Variants in CREB3L2 observed in about 807,000 individuals in gnomAD.
The protein encoded by CREB3L2 is cyclic AMP-responsive element-binding protein 3-like protein 2.
A neutral mutation model predicts 57.2 loss-of-function variants in CREB3L2; 23 were observed. The observed-to-expected ratio is 0.40, with a 90% CI of 0.29 to 0.57. The LOEUF (loss-of-function observed/expected upper bound fraction) is 0.57, where lower values mean the gene tolerates loss of function less well. CREB3L2 is among the 20% of genes least tolerant of loss of function. CREB3L2 has a pLI of 0.42. For missense variants in CREB3L2, 628 were observed against 634.7 expected (o/e 0.99, Z 0.11); for synonymous variants, 268 against 265.1 (o/e 1.01, Z -0.11).
chr7:137,896,376 A>G (rs1016296237), intron 8 of CREB3L2, among the ~76,000 whole-genome samples: 11 of 152,080 alleles, frequency 7.2e-5, no homozygotes, highest in African/African-American at 2.7e-4. Flanking sequence ...ATCTCGGCTC[A>G]CCGTAACCTC....
intron 1 of CREB3L2, among the ~76,000 whole-genome samples, chr7:137,985,403 G>A (rs1297268825): frequency 6.6e-6 from 1 of 152,196 alleles, no homozygotes; most frequent in Non-Finnish European, 1.5e-5. Context: ...TTGCTGCAGT[G>A]TATGGACAGC....
At chr7:137,999,567 ATTC>A (rs1457522236) in intron 1 of CREB3L2, 2 of 152,228 alleles carry the variant, frequency 1.3e-5, no homozygotes, top group Non-Finnish European at 2.9e-5. Flanking sequence ...CTACATAAAG[ATTC>A]AGCTAGAGTA....
intron 1 of CREB3L2, among the ~76,000 whole-genome samples, chr7:137,951,904 C>T (rs1012560267): frequency 8.5e-5 from 13 of 152,176 alleles, no homozygotes; most frequent in South Asian, 2.1e-4. Flanking sequence ...GTGGGAGGAT[C>T]GCTTAAGCCC....
intron 1 of CREB3L2, among the ~76,000 whole-genome samples, chr7:137,985,465 T>C (rs1263272393): frequency 6.6e-6 from 1 of 152,140 alleles, no homozygotes; most frequent in Non-Finnish European, 1.5e-5. Context: ...TGGAGAGCGC[T>C]TCAGCTTGTC....
intron 9 of CREB3L2, 110 bp downstream of exon 9, chr7:137,885,293 T>C: frequency 8.4e-7 from 1 of 1,193,570 alleles, no homozygotes; most frequent in Non-Finnish European, 1.2e-6. Flanking sequence ...GTGGAGTTCC[T>C]CCATGTGGTT....
At chr7:137,995,744 T>C (rs1801980052) in intron 1 of CREB3L2, among the ~76,000 whole-genome samples, 1 of 152,230 alleles carries the variant, frequency 6.6e-6, no homozygotes, top group Non-Finnish European at 1.5e-5. Flanking sequence ...TTAATTCAAT[T>C]ATTAATCTAG....
intron 2 of CREB3L2, among the ~76,000 whole-genome samples, chr7:137,916,815 C>T (rs972390601): frequency 6.6e-6 from 1 of 151,632 alleles, no homozygotes; most frequent in Non-Finnish European, 1.5e-5. Flanking sequence ...CGAGTGACAG[C>T]GAGAGCGACA....
intron 1 of CREB3L2, among the ~76,000 whole-genome samples, chr7:137,945,911 C>A (rs912721163): frequency 6.6e-6 from 1 of 152,156 alleles, no homozygotes; most frequent in African/African-American, 2.4e-5. Flanking sequence ...AAGCTTTTAT[C>A]TTTAGATTGT....
intron 8 of CREB3L2, among the ~76,000 whole-genome samples, chr7:137,899,193 A>C (rs1799700922): frequency 6.7e-6 from 1 of 150,066 alleles, no homozygotes; most frequent in Non-Finnish European, 1.5e-5. Flanking sequence ...GTCCACCTGC[A>C]GAGGAGAGGA....
chr7:137,997,908 T>A (rs1802013149), intron 1 of CREB3L2, among the ~76,000 whole-genome samples: 1 of 152,106 alleles, frequency 6.6e-6, no homozygotes, highest in African/African-American at 2.4e-5. Flanking sequence ...CCCCAAGAGA[T>A]ATTCTCCTGA....
At position 137,904,736 on chromosome 7, in the gene CREB3L2, G is replaced by T. The variant is rs568779275; in HGVS notation, c.916-719C>A. On this transcript the variant is annotated intron_variant, in intron 6 of 11. Coordinates refer to ENST00000330387, the MANE Select transcript of CREB3L2 (RefSeq NM_194071.4). ...CGTCTGTGGTTCCAGATGCTTGGGA[G>T]GCTGAGGTAGGAGAATCACTTGAAC... Among the ~76,000 whole-genome samples, 8 of 152,048 alleles carry T rather than the reference G, an allele frequency of 5.3e-5. No individual in the cohort carries two copies. The East Asian group carries it at 1.6e-3, about 29-fold the overall frequency.
chr7:137,916,066 A>T, intron 2 of CREB3L2, 54 bp from the exon 3 acceptor site: 1 of 1,446,740 alleles, frequency 6.9e-7, no homozygotes, highest in Non-Finnish European at 9.4e-7. Flanking sequence ...ATCAGGCATA[A>T]GCAAAACAAG....
intron 1 of CREB3L2, among the ~76,000 whole-genome samples, chr7:137,985,631 T>G (rs1187365393): frequency 6.6e-6 from 1 of 152,174 alleles, no homozygotes; most frequent in Non-Finnish European, 1.5e-5. Context: ...GACCTCAGTG[T>G]CCAGTGATAG....
intron 4 of CREB3L2, among the ~76,000 whole-genome samples, chr7:137,910,680 G>A (rs981771534): frequency 6.6e-6 from 1 of 152,042 alleles, no homozygotes; most frequent in African/African-American, 2.4e-5. Context: ...CTTTCACTTG[G>A]TAGGGGCCAA....
At chr7:137,972,942 A>C (rs901427126) in intron 1 of CREB3L2, among the ~76,000 whole-genome samples, 1 of 151,238 alleles carries the variant, frequency 6.6e-6, no homozygotes, top group Non-Finnish European at 1.5e-5. Context: ...CCCTGGTAAC[A>C]AAGTCCTCTT....
chr7:137,997,582 G>A (rs1802006637), intron 1 of CREB3L2, among the ~76,000 whole-genome samples: 5 of 151,794 alleles, frequency 3.3e-5, no homozygotes, highest in Admixed American at 3.3e-4. Context: ...AAAAAAATTA[G>A]CCAGGCATGG....
intron 1 of CREB3L2, among the ~76,000 whole-genome samples, chr7:137,946,966 A>C (rs1467980805): frequency 1.7e-4 from 7 of 41,724 alleles, no homozygotes; most frequent in Non-Finnish European, 2.8e-4. Context: ...ATATAGTTAT[A>C]TATATAGTTA....
At chr7:137,977,352 A>C (rs959644801) in intron 1 of CREB3L2, among the ~76,000 whole-genome samples, 1 of 152,210 alleles carries the variant, frequency 6.6e-6, no homozygotes, top group African/African-American at 2.4e-5. Flanking sequence ...AAGAGACCCA[A>C]AGCACACAAG....
chr7:137,998,144 C>A (rs1585686018), intron 1 of CREB3L2, among the ~76,000 whole-genome samples: 2 of 152,172 alleles, frequency 1.3e-5, no homozygotes, highest in Non-Finnish European at 2.9e-5. Flanking sequence ...AGACTCTGAA[C>A]CTGTCTGCCT....
Sources: allele counts gnomAD v4.1 joint callset (sites outside exome capture counted in the v4.1 genomes callset), GRCh38; gene constraint gnomAD v4.1.1; transcripts MANE v1.5; gene names NCBI Gene and HGNC (gene_info 2026-07-23, HGNC 2026-07-21).